SLC3A2: variants seen among roughly 807,000 people sequenced by gnomAD.
SLC3A2 encodes the protein amino acid transporter heavy chain SLC3A2.
A neutral mutation model predicts 48.5 loss-of-function variants in SLC3A2; 32 were observed. The ratio of observed to expected loss-of-function variants is 0.66; its 90% CI spans 0.50 to 0.89. The LOEUF (loss-of-function observed/expected upper bound fraction) is 0.89. Among genes scored for constraint, SLC3A2 ranks in the 40% least tolerant of loss-of-function variants. The pLI, the probability that SLC3A2 is intolerant of heterozygous loss-of-function variation, is 0.00. For synonymous variants in SLC3A2, 277 were observed against 288.8 expected (o/e 0.96, Z 0.41); for missense variants, 587 against 680.7 (o/e 0.86, Z 1.53).
chr11:62,882,230 G>A (rs940665902), intron 2 of SLC3A2, 164 bp downstream of exon 2: 60 of 773,772 alleles, frequency 7.8e-5, no homozygotes, highest in Middle Eastern at 6.8e-4. Context: ...TTGTCCAGTC[G>A]TCTGGGGGCT....
At chr11:62,870,919 C>T (rs1267583901) in intron 1 of SLC3A2, 8 of 171,266 alleles carry the variant, frequency 4.7e-5, no homozygotes, top group Non-Finnish European at 8.1e-5. Context: ...GCTCTGTTGC[C>T]CAGGCTGGAG....
chr11:62,887,432 G>A lies in SLC3A2; in HGVS notation c.1144-703G>A, dbSNP rs1342063051. Reference sequence around the variant, plus strand: ...GTAGAAGTTAGCCAGGCCGGGTGTCGTGGCTTATGCCTGTAATCCCAGCAC... The same window carrying A: ...GTAGAAGTTAGCCAGGCCGGGTGTCATGGCTTATGCCTGTAATCCCAGCAC... On this transcript the variant is annotated intron_variant, in intron 7 of 8. Coordinates refer to ENST00000338663, the MANE Select transcript of SLC3A2 (RefSeq NM_001013251.3). 3.0e-4 allele frequency among the ~76,000 whole-genome samples: 45 copies of A among 152,104 alleles called. 3 individuals are homozygous for A. Among genetic ancestry groups the A allele is most frequent in the Admixed American group, 2.8e-3 (43 of 15,250 alleles).
intron 2 of SLC3A2, chr11:62,882,629 C>T (rs914465858): frequency 3.4e-5 from 13 of 378,802 alleles, no homozygotes; most frequent in Admixed American, 2.9e-4. Context: ...GTACTACAGC[C>T]GTGTGCCACC....
Position 62,881,753 on chromosome 11 carries a change from A to G in SLC3A2, c.425-140A>G. On this transcript the variant is annotated intron_variant, in intron 1 of 8. Coordinates refer to ENST00000338663, the MANE Select transcript of SLC3A2 (RefSeq NM_001013251.3). This position sits in a 1 kb window ranked among gnomAD's most constrained non-coding sequence, Gnocchi z 4.0. ...AGGACTCCTTACATCAGCTCCTCTG[A>G]GTCTCGTGATTCAGCCTTGCCTCCC... The G allele has an allele frequency of 1.0e-6, 1 of 980,862 alleles. No homozygotes were observed. Among genetic ancestry groups the G allele is most frequent in the Non-Finnish European group, 1.5e-6 (1 of 666,422 alleles). The allele number at this position is 980,862 out of a possible 1,614,324, so 60.8% of individuals were successfully genotyped here.
chr11:62,862,066 C>T (rs984667940), intron 1 of SLC3A2, among the ~76,000 whole-genome samples: 2 of 152,114 alleles, frequency 1.3e-5, no homozygotes, highest in Admixed American at 6.6e-5. Flanking sequence ...CCTGTAATCC[C>T]AGCACTTTGG....
At chr11:62,886,030 C>T (rs927029001) in intron 7 of SLC3A2, among the ~76,000 whole-genome samples, 1 of 152,168 alleles carries the variant, frequency 6.6e-6, no homozygotes, top group African/African-American at 2.4e-5. Context: ...TGGCTCATGC[C>T]TGTAATCCTA....
chr11:62,857,612 C>T (rs2085349203), intron 1 of SLC3A2, among the ~76,000 whole-genome samples: 1 of 149,604 alleles, frequency 6.7e-6, no homozygotes, highest in East Asian at 2.0e-4. Flanking sequence ...ATTGCTTGAG[C>T]CCAGGAGGTT....
At chr11:62,870,062 G>T (rs529155100) in intron 1 of SLC3A2, among the ~76,000 whole-genome samples, 3 of 151,694 alleles carry the variant, frequency 2.0e-5, no homozygotes, top group South Asian at 4.2e-4. Flanking sequence ...CTCCCAAAGT[G>T]CTGGGATTAC....
At chr11:62,871,300 G>A (rs555068626) in intron 1 of SLC3A2, among the ~76,000 whole-genome samples, 10 of 148,630 alleles carry the variant, frequency 6.7e-5, no homozygotes, top group Admixed American at 1.4e-4. Context: ...GTGCAGTGGC[G>A]TGATCTTGGC....
At chr11:62,883,935 A>G (rs781024514) in intron 3 of SLC3A2, 16 of 455,474 alleles carry the variant, frequency 3.5e-5, no homozygotes, top group South Asian at 1.9e-4. Flanking sequence ...TTGAATTTCA[A>G]TCTTTCATCC....
upstream of SLC3A2, chr11:62,880,376 A>AC: frequency 6.6e-6 from 1 of 152,438 alleles, no homozygotes. Flanking sequence ...GCACGGAAGC[A>AC]GAGGTCTAGC....
At chr11:62,874,917 C>T (rs1006638947) in intron 1 of SLC3A2, among the ~76,000 whole-genome samples, 1 of 152,004 alleles carries the variant, frequency 6.6e-6, no homozygotes, top group African/African-American at 2.4e-5. Flanking sequence ...CACCCGCCAT[C>T]GTGTGCGACT....
At chr11:62,859,644 G>C (rs1478937693) in intron 1 of SLC3A2, among the ~76,000 whole-genome samples, 1 of 152,118 alleles carries the variant, frequency 6.6e-6, no homozygotes, top group Non-Finnish European at 1.5e-5. Flanking sequence ...AGTGAGCCAA[G>C]ATCACCCCAC....
At chr11:62,883,806 C>T (rs751178237) in intron 3 of SLC3A2, 31 of 355,862 alleles carry the variant, frequency 8.7e-5, no homozygotes, top group Non-Finnish European at 1.4e-4. Context: ...AGTACATGGC[C>T]CAGAGAAAGG....
intron 1 of SLC3A2, among the ~76,000 whole-genome samples, chr11:62,871,192 TA>T (rs2134990305): frequency 6.7e-6 from 1 of 148,936 alleles, no homozygotes; most frequent in South Asian, 2.1e-4. Flanking sequence ...TGATTACAGG[TA>T]ATTATTCCTT....
At chr11:62,887,649 G>A (rs148409687) in intron 7 of SLC3A2, among the ~76,000 whole-genome samples, 7,790 of 147,564 alleles carry the variant, frequency 0.053, 285 homozygotes, top group South Asian at 0.084. Flanking sequence ...ATTGCAGTAA[G>A]CCAAGATCGT....
intron 1 of SLC3A2, among the ~76,000 whole-genome samples, chr11:62,867,438 G>T (rs556792693): frequency 2.8e-5 from 4 of 144,350 alleles, no homozygotes; most frequent in African/African-American, 1.0e-4. Context: ...CTATTCTCCT[G>T]CTTCAGCCTC....
upstream of SLC3A2, chr11:62,880,821 C>A: frequency 1.7e-6 from 2 of 1,179,274 alleles, no homozygotes; most frequent in East Asian, 5.4e-5. Context: ...GGGCAGTCCC[C>A]GAGGTTCCAC....
chr11:62,874,765 T>A (rs1156298996), intron 1 of SLC3A2, among the ~76,000 whole-genome samples: 1 of 151,790 alleles, frequency 6.6e-6, no homozygotes, highest in African/African-American at 2.4e-5. Flanking sequence ...CTTTCCTTTT[T>A]CTTTTTCTTT....
Sources: gnomAD v4.1 joint callset for allele counts (sites outside exome capture counted in the v4.1 genomes callset) on GRCh38, gnomAD v4.1.1 for gene constraint, Gnocchi (gnomAD v3.1) non-coding constraint, MANE v1.5 for transcripts, NCBI Gene and HGNC (gene_info 2026-07-23, HGNC 2026-07-21) for gene names.